The following TCF12 variants were observed in gnomAD, a reference collection of about 807,000 sequenced individuals.
TCF12 encodes transcription factor 12, also known as DNA-binding protein HTF4.
In TCF12, 45 loss-of-function variants were observed where a neutral mutation model predicts 86.0. The observed-to-expected ratio is 0.52, with a 90% CI of 0.41 to 0.67. The LOEUF (loss-of-function observed/expected upper bound fraction) is 0.67, where lower values mean the gene tolerates loss of function less well. Ranked by LOEUF, TCF12 falls within the 30% of genes least tolerant of loss-of-function variation. The pLI, the probability that TCF12 is intolerant of heterozygous loss-of-function variation, is 0.00. For missense variants in TCF12, 881 were observed against 859.9 expected (o/e 1.02, Z -0.31); for synonymous variants, 330 against 299.6 (o/e 1.10, Z -1.05).
intron 3 of TCF12, among the ~76,000 whole-genome samples, chr15:56,947,168 T>G (rs1342246823): frequency 2.0e-5 from 3 of 152,210 alleles, no homozygotes; most frequent in African/African-American, 7.2e-5. Context: ...ACTGAATGCT[T>G]TGGGCATTCA....
At chr15:57,264,519 T>C (rs192253284) in intron 18 of TCF12, among the ~76,000 whole-genome samples, 5 of 151,786 alleles carry the variant, frequency 3.3e-5, no homozygotes, top group African/African-American at 7.3e-5. Context: ...CTTTTTCCTA[T>C]TTTTAAAATT....
chr15:57,192,520 C>T (rs1231720071), intron 7 of TCF12, among the ~76,000 whole-genome samples: 1 of 152,180 alleles, frequency 6.6e-6, no homozygotes, highest in African/African-American at 2.4e-5. Context: ...TCGCAAGTAG[C>T]TGAGACTATA....
chr15:57,069,807 A>C (rs1271337038), intron 4 of TCF12, among the ~76,000 whole-genome samples: 1 of 152,228 alleles, frequency 6.6e-6, no homozygotes, highest in Non-Finnish European at 1.5e-5. Context: ...AGAGAGGAGA[A>C]AGGTGAAAAT....
At chr15:57,219,304 G>T (rs2058468074) in intron 8 of TCF12, 2 of 1,226,564 alleles carry the variant, frequency 1.6e-6, no homozygotes, top group Non-Finnish European at 2.0e-6. Context: ...CTCCACCAAT[G>T]CAAGGACTTG....
intron 6 of TCF12, among the ~76,000 whole-genome samples, chr15:57,186,640 A>G (rs952448990): frequency 3.3e-5 from 5 of 152,256 alleles, no homozygotes; most frequent in African/African-American, 1.2e-4. Context: ...AAAGTAAGAC[A>G]AATATTACAG....
At chr15:56,969,280 G>C (rs1427431714) in intron 3 of TCF12, among the ~76,000 whole-genome samples, 3 of 152,134 alleles carry the variant, frequency 2.0e-5, no homozygotes, top group Non-Finnish European at 4.4e-5. Context: ...ACTTCAGTAG[G>C]ATCACTCTGG....
chr15:57,086,214 TAATA>T (rs2048616797), intron 4 of TCF12, among the ~76,000 whole-genome samples: 1 of 141,536 alleles, frequency 7.1e-6, no homozygotes, highest in Non-Finnish European at 1.5e-5. Context: ...ATGATGATGA[TAATA>T]ATAATAATAA....
intron 3 of TCF12, among the ~76,000 whole-genome samples, chr15:56,982,780 A>G (rs2062957126): frequency 6.6e-6 from 1 of 152,264 alleles, no homozygotes; most frequent in Non-Finnish European, 1.5e-5. Context: ...CAAGAGAAAC[A>G]GTTGCTCATC....
chr15:56,968,125 T>C (rs1445832201), intron 3 of TCF12, among the ~76,000 whole-genome samples: 1 of 151,988 alleles, frequency 6.6e-6, no homozygotes, highest in African/African-American at 2.4e-5. Flanking sequence ...CCTGGCTAAT[T>C]TTTGTATTTT....
chr15:57,004,220 T>C (rs1363911032), intron 3 of TCF12, among the ~76,000 whole-genome samples: 1 of 150,852 alleles, frequency 6.6e-6, no homozygotes, highest in Non-Finnish European at 1.5e-5. Context: ...TCTTAACATT[T>C]GTTCATTTCT....
intron 3 of TCF12, among the ~76,000 whole-genome samples, chr15:56,976,323 C>G (rs771770160): frequency 3.4e-5 from 5 of 147,002 alleles, no homozygotes; most frequent in Admixed American, 2.1e-4. Flanking sequence ...CTCTGACTTC[C>G]GGGTTCACGC....
At chr15:56,970,946 C>T (rs1330824441) in intron 3 of TCF12, among the ~76,000 whole-genome samples, 1 of 151,856 alleles carries the variant, frequency 6.6e-6, no homozygotes, top group East Asian at 1.9e-4. Context: ...CCCAGCTACT[C>T]GAGAGGCTGA....
chr15:57,060,058 T>G (rs1034233367), intron 3 of TCF12, among the ~76,000 whole-genome samples: 7 of 152,194 alleles, frequency 4.6e-5, no homozygotes, highest in Non-Finnish European at 1.0e-4. Flanking sequence ...GGGCAAGAAG[T>G]TTACCTGTTC....
intron 12 of TCF12, among the ~76,000 whole-genome samples, chr15:57,242,456 A>T (rs1487965952): frequency 6.6e-6 from 1 of 152,182 alleles, no homozygotes; most frequent in African/African-American, 2.4e-5. Context: ...TGGGAGGCCA[A>T]AGCGGGTGGA....
chr15:56,940,820 A>T (rs2060732833), intron 3 of TCF12, among the ~76,000 whole-genome samples: 1 of 146,638 alleles, frequency 6.8e-6, no homozygotes, highest in Admixed American at 7.0e-5. Flanking sequence ...CAGTGGTATG[A>T]TCATAGCCTA....
chr15:56,946,232 C>T (rs2060989875), intron 3 of TCF12, among the ~76,000 whole-genome samples: 1 of 152,124 alleles, frequency 6.6e-6, no homozygotes, highest in Admixed American at 6.5e-5. Flanking sequence ...TTCAATTACA[C>T]ATATATTAGC....
At chr15:57,177,274 TTTTTTTTTTTTTGAGATGGAGTC>T (rs1461513574) in intron 6 of TCF12, among the ~76,000 whole-genome samples, 3 of 150,052 alleles carry the variant, frequency 2.0e-5, no homozygotes, top group African/African-American at 2.5e-5. Flanking sequence ...AATTTTTTTT[TTTTTTTTTTTTTGAGATGGAGTC>T]TTGCTCTTGT....
intron 3 of TCF12, among the ~76,000 whole-genome samples, chr15:57,009,804 A>T (rs1456443540): frequency 6.6e-6 from 1 of 152,232 alleles, no homozygotes; most frequent in Non-Finnish European, 1.5e-5. Flanking sequence ...GATGGCTCAT[A>T]TACTTAACCC....
chr15:57,174,009 A>T (rs1462263497), intron 6 of TCF12, among the ~76,000 whole-genome samples: 2 of 152,206 alleles, frequency 1.3e-5, no homozygotes, highest in African/African-American at 4.8e-5. Flanking sequence ...CCCGGCCTGT[A>T]TATCTATTAA....
Sources: allele counts gnomAD v4.1 joint callset (sites outside exome capture counted in the v4.1 genomes callset), GRCh38; gene constraint gnomAD v4.1.1; transcripts MANE v1.5; gene names NCBI Gene and HGNC (gene_info 2026-07-23, HGNC 2026-07-21).